ZNF385D: variants seen among roughly 807,000 people sequenced by gnomAD.
ZNF385D encodes zinc finger protein 385D.
ZNF385D carries 15 observed loss-of-function variants against 35.8 expected under a neutral mutation model. The observed-to-expected ratio is 0.42, with a 90% CI of 0.28 to 0.64. The LOEUF is 0.64. Ranked by LOEUF, ZNF385D falls within the 30% of genes least tolerant of loss-of-function variation. The pLI is 0.23. For missense variants in ZNF385D, 474 were observed against 494.6 expected (o/e 0.96, Z 0.39); for synonymous variants, 212 against 186.8 (o/e 1.13, Z -1.10).
chr3:22,136,648 T>C (rs1475588406), intron 3 of ZNF385D, among the ~76,000 whole-genome samples: 3 of 152,140 alleles, frequency 2.0e-5, no homozygotes, highest in Non-Finnish European at 4.4e-5. Flanking sequence ...AACAAGCATA[T>C]CGCTTTATTA....
intron 4 of ZNF385D, among the ~76,000 whole-genome samples, chr3:21,469,661 C>G (rs990660053): frequency 6.6e-6 from 1 of 151,890 alleles, no homozygotes; most frequent in African/African-American, 2.4e-5. Flanking sequence ...TTTTTAATAA[C>G]TATCTCAACT....
intron 2 of ZNF385D, among the ~76,000 whole-genome samples, chr3:21,602,547 A>C (rs1485509103): frequency 2.0e-5 from 1 of 49,674 alleles, no homozygotes; most frequent in African/African-American, 1.8e-4. Context: ...TTTTTTTGAG[A>C]CGGAGTCTTG....
At chr3:21,487,935 A>G (rs954043989) in intron 4 of ZNF385D, among the ~76,000 whole-genome samples, 1 of 152,166 alleles carries the variant, frequency 6.6e-6, no homozygotes. Context: ...AGCTATTGTT[A>G]CTATTATAAG....
intron 3 of ZNF385D, among the ~76,000 whole-genome samples, chr3:21,834,205 T>C (rs1305290941): frequency 6.6e-6 from 1 of 152,144 alleles, no homozygotes; most frequent in East Asian, 1.9e-4. Flanking sequence ...TTCTCCTTCT[T>C]TTCTGAAGTA....
At chr3:21,543,487 G>A (rs958027136) in intron 3 of ZNF385D, among the ~76,000 whole-genome samples, 3 of 152,144 alleles carry the variant, frequency 2.0e-5, no homozygotes, top group Non-Finnish European at 4.4e-5. Flanking sequence ...CTCCTTGCGG[G>A]GCTGGGATGC....
Position 21,451,016 on chromosome 3 carries a change from TAAGAC to T in ZNF385D, c.440-13818_440-13814del, listed in dbSNP as rs758951621. Among the ~76,000 whole-genome samples, 17 of 152,176 alleles carry T rather than the reference TAAGAC, an allele frequency of 1.1e-4. No homozygotes were observed. The East Asian group carries it at 1.5e-3, about 14-fold the overall frequency. On this transcript the variant is annotated intron_variant, in intron 4 of 7. Coordinates refer to ENST00000281523, the MANE Select transcript of ZNF385D (RefSeq NM_024697.3). ...TTGCTTATTAACTTTTTTTTCAAGA[TAAGAC>T]AGAATTAGAAAGGAAAGAGACAAGT...
chr3:22,156,163 T>C (rs1705567004), intron 3 of ZNF385D, among the ~76,000 whole-genome samples: 1 of 152,038 alleles, frequency 6.6e-6, no homozygotes, highest in African/African-American at 2.4e-5. Flanking sequence ...AGGTTAAAAA[T>C]ATAAATGTAC....
chr3:22,100,038 T>C (rs951036692), intron 3 of ZNF385D, among the ~76,000 whole-genome samples: 1 of 151,552 alleles, frequency 6.6e-6, no homozygotes, highest in Admixed American at 6.6e-5. Context: ...GAACAGACAC[T>C]TCTCAAAAGA....
At chr3:21,520,015 G>T (rs925918214) in intron 3 of ZNF385D, among the ~76,000 whole-genome samples, 5 of 152,190 alleles carry the variant, frequency 3.3e-5, no homozygotes, top group African/African-American at 1.2e-4. Flanking sequence ...TCCAGCAAAT[G>T]CTCCCCTCTC....
At chr3:21,814,464 G>C (rs966276957) in intron 3 of ZNF385D, among the ~76,000 whole-genome samples, 1 of 152,112 alleles carries the variant, frequency 6.6e-6, no homozygotes, top group African/African-American at 2.4e-5. Flanking sequence ...ACACAGATAG[G>C]CTCAAAATAA....
chr3:21,853,509 T>G (rs1187531339), intron 3 of ZNF385D, among the ~76,000 whole-genome samples: 1 of 129,268 alleles, frequency 7.7e-6, no homozygotes, highest in African/African-American at 3.7e-5. Context: ...TTGCAGTCCT[T>G]TTTTTTTTTT....
At chr3:22,366,273 T>C (rs1461429842) in intron 2 of ZNF385D, among the ~76,000 whole-genome samples, 3 of 152,084 alleles carry the variant, frequency 2.0e-5, no homozygotes, top group Non-Finnish European at 4.4e-5. Context: ...ACTAATAAGG[T>C]AGTCATTGTC....
rs190742375 is a variant in ZNF385D, at chr3:21,616,324, G to A, written c.165+48562C>T. ...AATCTGGGTAATAGAAACAGGGCAA[G>A]GAATGGCTTAATTTTTGTTTACTGC... On this transcript the variant is annotated intron_variant, in intron 2 of 7. Transcript: ENST00000281523. Among the ~76,000 whole-genome samples the A allele has an allele frequency of 9.9e-5, 15 of 152,246 alleles. No individual in the cohort carries two copies. In the East Asian group the frequency reaches 2.7e-3, roughly 27 times the overall value.
chr3:22,179,655 G>C (rs1430754901), intron 2 of ZNF385D, among the ~76,000 whole-genome samples: 3 of 152,162 alleles, frequency 2.0e-5, no homozygotes, highest in Non-Finnish European at 2.9e-5. Context: ...AGGCATCACT[G>C]CCTTGTGCCA....
At chr3:22,061,736 T>C (rs1023527890) in intron 3 of ZNF385D, among the ~76,000 whole-genome samples, 1 of 152,158 alleles carries the variant, frequency 6.6e-6, no homozygotes, top group Non-Finnish European at 1.5e-5. Flanking sequence ...CTTTCCTTCC[T>C]CTCCCTTTGC....
intron 4 of ZNF385D, among the ~76,000 whole-genome samples, chr3:21,503,997 A>G (rs1000163287): frequency 6.6e-6 from 1 of 152,224 alleles, no homozygotes; most frequent in African/African-American, 2.4e-5. Flanking sequence ...CTGGATACAA[A>G]GAAGACTGAG....
rs547759879 is a variant in ZNF385D at position 22,269,886 on chromosome 3, CCTT to C, written c.107-100854_107-100852del. Among the ~76,000 whole-genome samples the C allele has an allele frequency of 1.8e-4, 27 of 151,940 alleles. No homozygotes were observed. In the East Asian group the frequency reaches 5.1e-3, roughly 29 times the overall value. Reference sequence around the variant, plus strand: ...TGGCTTGCTTTACCTTGTATTGTCTCCTTAAGATCTGGTAATCCGCTATTTTAT... The same window carrying C: ...TGGCTTGCTTTACCTTGTATTGTCTCAAGATCTGGTAATCCGCTATTTTAT... On this transcript the variant is annotated intron_variant, in intron 2 of 5. Coordinates refer to the ZNF385D transcript ENST00000494108.
chr3:21,593,298 G>A (rs756710823), intron 2 of ZNF385D, among the ~76,000 whole-genome samples: 1 of 152,112 alleles, frequency 6.6e-6, no homozygotes, highest in African/African-American at 2.4e-5. Context: ...CTTCAAGACT[G>A]CCTTTAGCAG....
intron 3 of ZNF385D, among the ~76,000 whole-genome samples, chr3:21,529,827 C>A (rs2125529504): frequency 6.6e-6 from 1 of 152,232 alleles, no homozygotes; most frequent in Non-Finnish European, 1.5e-5. Context: ...ATTATGTGAC[C>A]TTGACCAAGT....
Sources: gnomAD v4.1 joint callset for allele counts (sites outside exome capture counted in the v4.1 genomes callset) on GRCh38, gnomAD v4.1.1 for gene constraint, MANE v1.5 for transcripts, NCBI Gene and HGNC (gene_info 2026-07-23, HGNC 2026-07-21) for gene names.